Variants in TXNDC12 observed in about 807,000 individuals in gnomAD.
The protein encoded by TXNDC12 is thioredoxin domain-containing protein 12.
In TXNDC12, 22 loss-of-function variants were observed where a neutral mutation model predicts 24.2. The observed-to-expected ratio is 0.91, with a 90% CI of 0.65 to 1.30. The LOEUF (loss-of-function observed/expected upper bound fraction) is 1.30. Among genes scored for constraint, TXNDC12 ranks in the 50% most tolerant of loss-of-function variants. TXNDC12 has a pLI of 0.00. For missense variants in TXNDC12, 184 were observed against 205.8 expected (o/e 0.89, Z 0.65); for synonymous variants, 58 against 73.4 (o/e 0.79, Z 1.07).
intron 6 of TXNDC12, among the ~76,000 whole-genome samples, chr1:52,021,560 CAAAAAAA>C (rs901244160): frequency 7.2e-5 from 4 of 55,720 alleles, no homozygotes; most frequent in African/African-American, 2.5e-4. Flanking sequence ...GTTCTCAGGC[CAAAAAAA>C]AAAAAAAAAA....
chr1:52,042,648 G>A (rs1686015043), intron 1 of TXNDC12, among the ~76,000 whole-genome samples: 1 of 151,466 alleles, frequency 6.6e-6, no homozygotes, highest in Non-Finnish European at 1.5e-5. Context: ...TGGAGATGGA[G>A]TTTTGCTCTT....
At chr1:52,032,973 C>CT (rs1228993966) in intron 2 of TXNDC12, 1 of 1,581,566 alleles carries the variant, frequency 6.3e-7, no homozygotes, top group Non-Finnish European at 8.6e-7. Flanking sequence ...AGGCGAGGGG[C>CT]TGGGACTGCG....
chr1:52,040,362 T>C (rs1685962324), intron 2 of TXNDC12, among the ~76,000 whole-genome samples: 1 of 152,014 alleles, frequency 6.6e-6, no homozygotes, highest in African/African-American at 2.4e-5. Context: ...GTAACTGGTA[T>C]TTTTTGTAGA....
At chr1:52,025,241 C>T (rs1380908053) in intron 4 of TXNDC12, among the ~76,000 whole-genome samples, 2 of 148,356 alleles carry the variant, frequency 1.3e-5, no homozygotes, top group African/African-American at 5.0e-5. Context: ...TTTTTTGAGA[C>T]GGAGTCTCGC....
chr1:52,046,872 T>C (rs1351975396), intron 1 of TXNDC12, among the ~76,000 whole-genome samples: 1 of 113,304 alleles, frequency 8.8e-6, no homozygotes. Flanking sequence ...AAAAAATATA[T>C]ATATATATAT....
intron 2 of TXNDC12, chr1:52,034,188 ATCAT>A: frequency 1.6e-6 from 1 of 626,832 alleles, no homozygotes; most frequent in Non-Finnish European, 2.3e-6. Context: ...TACCATTTCA[ATCAT>A]TCAACATCTC....
chr1:52,020,817 G>T lies in TXNDC12; in HGVS notation c.*116C>A. On this transcript the variant is annotated 3_prime_UTR_variant, in exon 7 of 7. Transcript: ENST00000371626. ...CAGTGAGAGCGCTCCTTCCAGTGTA[G>T]GTAGGAATGAGGTTTCCTGGTCGGC... The T allele has an allele frequency of 1.3e-6, 1 of 792,380 alleles. No homozygotes were observed. Among genetic ancestry groups the T allele is most frequent in the Non-Finnish European group, 2.1e-6 (1 of 480,184 alleles). The allele number at this position is 792,380 out of a possible 1,614,324, so 49.1% of individuals were successfully genotyped here. A position where few individuals can be genotyped will look rare whatever the true frequency, so the allele number is the denominator to read the frequency against.
rs945842628 is a variant in TXNDC12 at position 52,027,702 on chromosome 1, ATG to A, written c.212-356_212-355del. Among the ~76,000 whole-genome samples the A allele has an allele frequency of 5.3e-5, 8 of 151,038 alleles. No individual in the cohort carries two copies. In the South Asian group the frequency reaches 6.2e-4, roughly 12 times the overall value. ...GAGTGACAGTCTGCCACACGTGTATATGTGTGTGTATACATATATGTATGTGT... is the reference window on the plus strand; with the variant it reads ...GAGTGACAGTCTGCCACACGTGTATATGTGTGTATACATATATGTATGTGT... On this transcript the variant is annotated intron_variant, in intron 3 of 6. Coordinates refer to ENST00000371626, the MANE Select transcript of TXNDC12 (RefSeq NM_015913.4).
intron 1 of TXNDC12, among the ~76,000 whole-genome samples, chr1:52,042,008 C>T (rs1380515921): frequency 1.3e-5 from 2 of 152,184 alleles, no homozygotes; most frequent in African/African-American, 4.8e-5. Context: ...GTCCATGACT[C>T]CACTTCCTAT....
chr1:52,038,833 C>G (rs1278411068), intron 2 of TXNDC12, among the ~76,000 whole-genome samples: 1 of 150,930 alleles, frequency 6.6e-6, no homozygotes, highest in Non-Finnish European at 1.5e-5. Flanking sequence ...GCAAAAAGTG[C>G]AAGGTTTTTG....
At chr1:52,034,034 C>A in intron 2 of TXNDC12, 1 of 1,380,840 alleles carries the variant, frequency 7.2e-7, no homozygotes, top group Non-Finnish European at 9.3e-7. Context: ...GACTGCCCGT[C>A]CATTTTATTA....
Position 52,028,603 on chromosome 1 carries a change from A to G in TXNDC12, c.186T>C (p.His62=), listed in dbSNP as rs756522885. The G allele has an allele frequency of 9.9e-6, 16 of 1,613,088 alleles. No individual in the cohort carries two copies. In the East Asian group the frequency reaches 3.3e-4, roughly 34 times the overall value. ...ASGLPLMVII[H]KSWCGACKAL... ...CTTTGCAAGCTCCACACCAGGATTT[A>G]TGAATAATCACCATCAGGGGCAGTC... Residue 62 remains histidine, a synonymous_variant, in exon 3 of 7, where the codon CAT becomes CAC. Transcript: ENST00000371626.
At position 52,020,264 on chromosome 1, in the gene TXNDC12, A is replaced by T. The variant is rs781202218; in HGVS notation, c.*669T>A. On this transcript the variant is annotated 3_prime_UTR_variant, in exon 7 of 7. Coordinates refer to ENST00000371626, the MANE Select transcript of TXNDC12 (RefSeq NM_015913.4). ...GGGCTTGAAGGTTTGAGTTTCTCCA[A>T]CAGTAACAAGGGAAAGCATGCTTCC... 2 of 336,480 alleles carry T rather than the reference A, an allele frequency of 5.9e-6. No individual in the cohort carries two copies. The highest frequency in any genetic ancestry group is 1.2e-5 in the Non-Finnish European group (2 of 170,640). The allele number at this position is 336,480 out of a possible 1,614,324, so 20.8% of individuals were successfully genotyped here. A position where few individuals can be genotyped will look rare whatever the true frequency, so the allele number is the denominator to read the frequency against.
At chr1:52,032,235 CA>C (rs1161627156) in intron 2 of TXNDC12, 1 of 986,356 alleles carries the variant, frequency 1.0e-6, no homozygotes, top group African/African-American at 1.7e-5. Flanking sequence ...TAGAAACTAG[CA>C]AAAAGTCAGT....
chr1:52,025,977 C>T (rs371791645), intron 4 of TXNDC12, among the ~76,000 whole-genome samples: 7 of 151,870 alleles, frequency 4.6e-5, no homozygotes, highest in Admixed American at 2.6e-4. Context: ...TACAGGCACG[C>T]ACCACCACAC....
rs1390793887 is a variant in TXNDC12 at position 52,054,990 on chromosome 1, G to A, written c.97+10C>T. The A allele has an allele frequency of 1.9e-6, 3 of 1,599,840 alleles. No homozygotes were observed. Among genetic ancestry groups the A allele is most frequent in the Non-Finnish European group, 1.7e-6 (2 of 1,167,176 alleles). ...AGATCAGTAAAGAGAAGATAAGAAC[G>A]CGGTCTGACCCTTTCCAAGCCCATT... On this transcript the variant is annotated intron_variant, in intron 1 of 6. Coordinates refer to ENST00000371626, the MANE Select transcript of TXNDC12 (RefSeq NM_015913.4).
intron 4 of TXNDC12, among the ~76,000 whole-genome samples, chr1:52,025,978 A>G (rs1032986890): frequency 4.6e-5 from 7 of 151,712 alleles, no homozygotes; most frequent in South Asian, 2.1e-4. Flanking sequence ...ACAGGCACGC[A>G]CCACCACACC....
chr1:52,033,960 T>C, intron 2 of TXNDC12: 2 of 1,422,190 alleles, frequency 1.4e-6, no homozygotes, highest in South Asian at 1.5e-5. Context: ...GAGACTATAA[T>C]GGCATCAGTT....
chr1:52,028,028 A>G (rs983930672), intron 3 of TXNDC12, among the ~76,000 whole-genome samples: 2 of 151,750 alleles, frequency 1.3e-5, no homozygotes, highest in Non-Finnish European at 1.5e-5. Context: ...GGGTTTCACT[A>G]TGTTGGGCAG....
Sources: allele counts gnomAD v4.1 joint callset (sites outside exome capture counted in the v4.1 genomes callset), GRCh38; gene constraint gnomAD v4.1.1; transcripts MANE v1.5; gene names NCBI Gene and HGNC (gene_info 2026-07-23, HGNC 2026-07-21).